Variants in XPO5 observed in about 807,000 individuals in gnomAD.
XPO5 encodes exportin-5.
Under a neutral mutation model 160.6 loss-of-function variants are expected in XPO5, and 46 were observed. The observed-to-expected ratio is 0.29, with a 90% confidence interval of 0.23 to 0.37. The LOEUF (loss-of-function observed/expected upper bound fraction) is 0.37. Ranked by LOEUF, XPO5 falls within the 10% of genes least tolerant of loss-of-function variation. The probability of loss-of-function intolerance (pLI) is 1.00; values close to 1 mark genes in which losing one functional copy is unlikely to be tolerated. For missense variants in XPO5, 1,090 were observed against 1,463.9 expected, an observed-to-expected ratio of 0.74 and a Z score of 4.17; for synonymous variants, 537 against 519.3, an observed-to-expected ratio of 1.03 and a Z score of -0.46.
At chr6:43,528,321 A>G (rs1232543732) in intron 24 of XPO5, 116 bp from the exon 25 acceptor site, 18 of 1,058,592 alleles carry the variant, frequency 1.7e-5, no homozygotes, top group Middle Eastern at 4.1e-4. Context: ...CTAGGCATCA[A>G]TGACAACTTC....
chr6:43,540,373 G>A (rs1794628426), intron 20 of XPO5, among the ~76,000 whole-genome samples: 1 of 152,214 alleles, frequency 6.6e-6, no homozygotes, highest in African/African-American at 2.4e-5. Context: ...CAGCTACTTG[G>A]GAGGCTGAAG....
intron 20 of XPO5, among the ~76,000 whole-genome samples, chr6:43,542,293 G>A (rs1241479266): frequency 6.6e-6 from 1 of 152,136 alleles, no homozygotes; most frequent in African/African-American, 2.4e-5. Context: ...TTCCATGCTG[G>A]ACAGCACAGC....
intron 20 of XPO5, among the ~76,000 whole-genome samples, chr6:43,544,510 T>G (rs1034338524): frequency 6.6e-6 from 1 of 152,246 alleles, no homozygotes; most frequent in Non-Finnish European, 1.5e-5. Flanking sequence ...TTTCCACGTC[T>G]GGGTTGGCCA....
intron 11 of XPO5, 149 bp downstream of exon 11, chr6:43,560,027 CAG>C (rs1582236857): frequency 1.1e-6 from 1 of 932,066 alleles, no homozygotes; most frequent in East Asian, 2.8e-5. Context: ...CCATGTCGCA[CAG>C]GCTGGTCTCC....
At chr6:43,558,801 T>A (rs1015903754) in intron 11 of XPO5, 1 of 454,062 alleles carries the variant, frequency 2.2e-6, no homozygotes, top group Non-Finnish European at 3.9e-6. Flanking sequence ...AGAATACTTT[T>A]AGTTGATACC....
At chr6:43,557,196 G>A (rs1762138342) in intron 12 of XPO5, among the ~76,000 whole-genome samples, 1 of 150,806 alleles carries the variant, frequency 6.6e-6, no homozygotes, top group African/African-American at 2.4e-5. Flanking sequence ...GGAAGCCGAG[G>A]CGGGTGGATC....
At chr6:43,531,419 A>G (rs980748881) in intron 22 of XPO5, 60 bp downstream of exon 22, 56 of 1,494,970 alleles carry the variant, frequency 3.7e-5, no homozygotes, top group Non-Finnish European at 4.6e-5. Context: ...CAACCCATGG[A>G]CATTCCTATA....
intron 9 of XPO5, chr6:43,561,772 G>A (rs903187589): frequency 6.5e-6 from 1 of 153,662 alleles, no homozygotes; most frequent in African/African-American, 2.4e-5. Flanking sequence ...CTGTTCCAAT[G>A]TCCTATCTTC....
At position 43,567,143 on chromosome 6, in the gene XPO5, T is replaced by C. The variant is rs926505927; in HGVS notation, c.834+26A>G. On this transcript the variant is annotated intron_variant, in intron 7 of 31. Transcript: ENST00000265351. Reference sequence around the variant, plus strand: ...CACAGCCTACTTCAGAGACTGAGGATAAGTCAGTTTGAAGTGGTAACTTAC... The same window carrying C: ...CACAGCCTACTTCAGAGACTGAGGACAAGTCAGTTTGAAGTGGTAACTTAC... 2.5e-6 allele frequency: 4 copies of C among 1,596,148 alleles called. No individual in the cohort carries two copies. The African/African-American group carries it at 4.0e-5, about 16-fold the overall frequency.
At chr6:43,575,636 G>A (rs924368175) in intron 1 of XPO5, 124 bp downstream of exon 1, 7 of 796,712 alleles carry the variant, frequency 8.8e-6, no homozygotes, top group Admixed American at 5.4e-5. Flanking sequence ...AGGTCCCGGG[G>A]AGTTGGGAAA....
At position 43,530,422 on chromosome 6, in the gene XPO5, C is replaced by CA. The variant is rs780873253; in HGVS notation, c.2677+265dup. ...TGCAACAGAGTGAGCAAGACTGTCT[C>CA]AAAAAAAAAAAAAAGTTTTATCTGT... On this transcript the variant is annotated intron_variant, in intron 23 of 31. Coordinates refer to ENST00000265351, the MANE Select transcript of XPO5 (RefSeq NM_020750.3). Among the ~76,000 whole-genome samples the CA allele has an allele frequency of 0.034, 4,377 of 130,052 alleles. 194 individuals carry two copies. The highest frequency in any genetic ancestry group is 0.11 in the African/African-American group (3,905 of 35,730). The allele number at this position is 130,052 out of a possible 152,430, so 85.3% of individuals were successfully genotyped here.
intron 4 of XPO5, 24 bp from the exon 5 acceptor site, chr6:43,570,708 T>A (rs1368737209): frequency 6.4e-7 from 1 of 1,565,850 alleles, no homozygotes; most frequent in East Asian, 2.3e-5. Flanking sequence ...AATAAGCTAG[T>A]TAAAAACTAA....
intron 21 of XPO5, among the ~76,000 whole-genome samples, chr6:43,532,162 A>G (rs934291365): frequency 2.0e-5 from 3 of 152,124 alleles, no homozygotes; most frequent in African/African-American, 7.2e-5. Context: ...GGTAAGCAAC[A>G]CCTACTTTTT....
At chr6:43,557,867 G>A (rs111766955) in intron 12 of XPO5, among the ~76,000 whole-genome samples, 6 of 151,364 alleles carry the variant, frequency 4.0e-5, no homozygotes, top group Non-Finnish European at 7.4e-5. Context: ...AGACTGAGGC[G>A]GGCAGATGAC....
intron 20 of XPO5, chr6:43,539,801 C>T (rs1449934003): frequency 7.3e-6 from 4 of 551,458 alleles, no homozygotes; most frequent in Non-Finnish European, 1.3e-5. Flanking sequence ...GGGAGAACTC[C>T]CATGTAAAAT....
chr6:43,574,252 G>A lies in XPO5; in HGVS notation c.106-651C>T, dbSNP rs530419377. On this transcript the variant is annotated intron_variant, in intron 1 of 31. Transcript: ENST00000265351. ...CGAGAAATCAAGGCTGAAGTGAGCC[G>A]AGATCTCACCACTGCACGCCAGCCT... is the stretch of plus-strand genomic sequence containing the variant. 5.3e-5 allele frequency among the ~76,000 whole-genome samples: 8 copies of A among 151,550 alleles called. No individual in the cohort carries two copies. The South Asian group carries it at 6.3e-4, about 12-fold the overall frequency.
chr6:43,556,671 A>G (rs1198722473), intron 12 of XPO5, among the ~76,000 whole-genome samples: 2 of 152,202 alleles, frequency 1.3e-5, no homozygotes, highest in African/African-American at 4.8e-5. Flanking sequence ...TCCTAGTTAT[A>G]TATCTAAGAT....
intron 8 of XPO5, 129 bp from the exon 9 acceptor site, chr6:43,562,475 T>C: frequency 1.4e-6 from 1 of 728,088 alleles, no homozygotes; most frequent in Non-Finnish European, 2.2e-6. Flanking sequence ...ATAGCTTTGC[T>C]AAATTAAAAA....
intron 20 of XPO5, chr6:43,539,717 G>A (rs1034833246): frequency 3.1e-5 from 20 of 646,914 alleles, no homozygotes; most frequent in African/African-American, 1.6e-4. Context: ...GTGTTTTCTC[G>A]GAGAAGAAGC....
Sources: gnomAD v4.1 joint callset for allele counts (sites outside exome capture counted in the v4.1 genomes callset) on GRCh38, gnomAD v4.1.1 for gene constraint, MANE v1.5 for transcripts, NCBI Gene and HGNC (gene_info 2026-07-23, HGNC 2026-07-21) for gene names.